The following COMMD10 variants were observed in gnomAD, a reference collection of about 807,000 sequenced individuals.
COMMD10 encodes the protein COMM domain containing 10.
Under a neutral mutation model 28.9 loss-of-function variants are expected in COMMD10, and 33 were observed. The ratio of observed to expected loss-of-function variants is 1.14; its 90% CI spans 0.87 to 1.53. The LOEUF (loss-of-function observed/expected upper bound fraction) is 1.53. Among genes scored for constraint, COMMD10 ranks in the 40% most tolerant of loss-of-function variants. The probability of loss-of-function intolerance (pLI) is 0.00; values close to 1 mark genes in which losing one functional copy is unlikely to be tolerated. For synonymous variants in COMMD10, 110 were observed against 81.7 expected, an observed-to-expected ratio of 1.35 and a Z score of -1.87; for missense variants, 310 against 233.4, an observed-to-expected ratio of 1.33 and a Z score of -2.14.
At chr5:116,142,032 C>T (rs1752211343) in intron 5 of COMMD10, among the ~76,000 whole-genome samples, 1 of 151,682 alleles carries the variant, frequency 6.6e-6, no homozygotes, top group Admixed American at 6.6e-5. Context: ...CTGTAGAAAA[C>T]TTAGAAATTA....
chr5:116,163,748 G>A lies in COMMD10; in HGVS notation c.510+29570G>A, dbSNP rs1156860316. 2.0e-5 allele frequency among the ~76,000 whole-genome samples: 3 copies of A among 152,082 alleles called. No individual in the cohort carries two copies. The East Asian group carries it at 5.8e-4, about 29-fold the overall frequency. On this transcript the variant is annotated intron_variant, in intron 5 of 6. Coordinates refer to ENST00000274458, the MANE Select transcript of COMMD10 (RefSeq NM_016144.4). The stretch of plus-strand genomic sequence containing the variant: ...CTTTTATTATAAAGCACTAAGTTAT[G>A]TCTTCTTAAACCACTTTTTGTTTAG...
chr5:116,219,910 G>C (rs1442644916), intron 5 of COMMD10, among the ~76,000 whole-genome samples: 2 of 151,900 alleles, frequency 1.3e-5, no homozygotes, highest in African/African-American at 4.8e-5. Flanking sequence ...TTCAAACACT[G>C]ATGGATTTGA....
rs145798050 is a variant in COMMD10, at chr5:116,117,283, A to T, written c.400-16785A>T. 4.7e-4 allele frequency among the ~76,000 whole-genome samples: 71 copies of T among 152,192 alleles called. 1 individual carries two copies. In the East Asian group the frequency reaches 0.01, roughly 22 times the overall value. ...TATTATATTTTTTTCCCTTGCGTAA[A>T]TATCTAGTAATGGGGATTGCTGATC... is the stretch of plus-strand genomic sequence containing the variant. On this transcript the variant is annotated intron_variant, in intron 4 of 6. Transcript: ENST00000274458.
chr5:116,202,313 C>T (rs1220519090), intron 5 of COMMD10, among the ~76,000 whole-genome samples: 2 of 151,584 alleles, frequency 1.3e-5, no homozygotes, highest in Admixed American at 6.6e-5. Flanking sequence ...GGTTCCAAGT[C>T]TTTGCTATTG....
At chr5:116,215,618 C>T (rs1004919217) in intron 5 of COMMD10, among the ~76,000 whole-genome samples, 5 of 149,582 alleles carry the variant, frequency 3.3e-5, no homozygotes, top group Admixed American at 6.7e-5. Flanking sequence ...TCCCGGGAGG[C>T]GGAGGTTGCA....
At chr5:116,291,863 T>G (rs1751373378) in intron 6 of COMMD10, among the ~76,000 whole-genome samples, 1 of 152,106 alleles carries the variant, frequency 6.6e-6, no homozygotes, top group African/African-American at 2.4e-5. Context: ...CACTGACACT[T>G]TAAATATATA....
intron 5 of COMMD10, among the ~76,000 whole-genome samples, chr5:116,231,945 C>A (rs1289359262): frequency 6.6e-6 from 1 of 152,056 alleles, no homozygotes; most frequent in Non-Finnish European, 1.5e-5. Context: ...ACAACTACTT[C>A]TGAACTGAAT....
At chr5:116,115,061 G>T (rs1751185143) in intron 4 of COMMD10, among the ~76,000 whole-genome samples, 1 of 152,116 alleles carries the variant, frequency 6.6e-6, no homozygotes, top group Non-Finnish European at 1.5e-5. Flanking sequence ...TGGTGCTATA[G>T]GTTCCCAGGT....
intron 5 of COMMD10, among the ~76,000 whole-genome samples, chr5:116,232,376 T>A (rs749908111): frequency 6.6e-6 from 1 of 150,872 alleles, no homozygotes; most frequent in Admixed American, 6.6e-5. Context: ...AATTGAAATA[T>A]CAAAATCATG....
At chr5:116,249,959 C>T (rs1750061835) in intron 5 of COMMD10, among the ~76,000 whole-genome samples, 1 of 151,870 alleles carries the variant, frequency 6.6e-6, no homozygotes, top group Admixed American at 6.6e-5. Context: ...GTATGTTTAT[C>T]ATAAAGTTAA....
chr5:116,293,015 G>C lies in COMMD10; in HGVS notation c.*526G>C, dbSNP rs1013909771. 2 of 397,248 alleles carry C rather than the reference G, an allele frequency of 5.0e-6. No homozygotes were observed. The highest frequency in any genetic ancestry group is 2.1e-5 in the African/African-American group (1 of 48,562). The allele number at this position is 397,248 out of a possible 1,614,324, so 24.6% of individuals were successfully genotyped here. A position where few individuals can be genotyped will look rare whatever the true frequency, so the allele number is the denominator to read the frequency against. ...GGAAGGAAATGTAAAATAGTGAGTAGTATGGTATCAGTTAATTCCAGTCTG... is the reference window on the plus strand; with the variant it reads ...GGAAGGAAATGTAAAATAGTGAGTACTATGGTATCAGTTAATTCCAGTCTG... On this transcript the variant is annotated 3_prime_UTR_variant, in exon 7 of 7. Transcript: ENST00000274458.
intron 4 of COMMD10, among the ~76,000 whole-genome samples, chr5:116,127,017 A>G (rs927359190): frequency 3.9e-5 from 6 of 152,242 alleles, no homozygotes; most frequent in Non-Finnish European, 7.3e-5. Context: ...AATTTTTACA[A>G]TCTACCCAAC....
At chr5:116,158,117 C>A (rs777710132) in intron 5 of COMMD10, among the ~76,000 whole-genome samples, 1 of 146,154 alleles carries the variant, frequency 6.8e-6, no homozygotes, top group Non-Finnish European at 1.5e-5. Context: ...CCTGCAGATT[C>A]CTTCCTCCCT....
At chr5:116,149,007 C>T (rs1431278315) in intron 5 of COMMD10, among the ~76,000 whole-genome samples, 12 of 116,858 alleles carry the variant, frequency 1.0e-4, no homozygotes, top group Admixed American at 2.0e-4. Context: ...CCCCCTCCCC[C>T]CACCCCACAG....
At chr5:116,182,114 T>C (rs565558347) in intron 5 of COMMD10, among the ~76,000 whole-genome samples, 1 of 152,162 alleles carries the variant, frequency 6.6e-6, no homozygotes, top group African/African-American at 2.4e-5. Flanking sequence ...GGAGATGACA[T>C]TGAAATTGAG....
At chr5:116,284,326 ATGTGTGTGTGTATGTATGTG>A (rs1554061216) in intron 5 of COMMD10, among the ~76,000 whole-genome samples, 1 of 146,604 alleles carries the variant, frequency 6.8e-6, no homozygotes, top group Non-Finnish European at 1.5e-5. Context: ...AAAGGATTGT[ATGTGTGTGTGTATGTATGTG>A]TGTGTGTGTG....
rs376346392 is a variant in COMMD10, at chr5:116,085,081, G to A, written c.29G>A (p.Arg10Gln). The change falls in exon 1 of 7, where the codon CGG becomes CAG. Residue 10 changes from arginine (R) to glutamine (Q), a missense_variant. Physicochemically the swap from Arg to Gln is conservative, Grantham distance 43. Coordinates refer to ENST00000274458, the MANE Select transcript of COMMD10 (RefSeq NM_016144.4). ...GCGGTCCCCGCGGCGCTGATCCTACGGGAGAGCCCCAGGTAGCTGATCCGT... is the reference window on the plus strand; with the variant it reads ...GCGGTCCCCGCGGCGCTGATCCTACAGGAGAGCCCCAGGTAGCTGATCCGT... MAVPAALIL[R>Q]ESPSMKKAVS... The A allele has an allele frequency of 6.2e-7, 1 of 1,610,324 alleles. No individual in the cohort carries two copies. The highest frequency in any genetic ancestry group is 1.1e-5 in the South Asian group (1 of 90,298).
intron 4 of COMMD10, among the ~76,000 whole-genome samples, chr5:116,106,033 T>A (rs1426114906): frequency 6.6e-6 from 1 of 152,124 alleles, no homozygotes; most frequent in Non-Finnish European, 1.5e-5. Flanking sequence ...GCTTCTCTAG[T>A]TCTTTTAATT....
chr5:116,107,063 A>G lies in COMMD10; in HGVS notation c.399+14363A>G, dbSNP rs987956378. Among the ~76,000 whole-genome samples the G allele has an allele frequency of 4.0e-5, 6 of 150,754 alleles. No individual in the cohort carries two copies. In the South Asian group the frequency reaches 8.3e-4, roughly 21 times the overall value. On this transcript the variant is annotated intron_variant, in intron 4 of 6. Transcript: ENST00000274458. ...TTTGCCCATTAGGGTTTCTGCTGAG[A>G]GATCTGCTGTGGGTAACCTGACCTT...
Sources: allele counts gnomAD v4.1 joint callset (sites outside exome capture counted in the v4.1 genomes callset), GRCh38; gene constraint gnomAD v4.1.1; transcripts MANE v1.5; gene names NCBI Gene and HGNC (gene_info 2026-07-23, HGNC 2026-07-21).